Variants in HMGXB3 observed in about 807,000 individuals in gnomAD.
HMGXB3 encodes HMG-box containing 3.
In HMGXB3, 45 loss-of-function variants were observed where a neutral mutation model predicts 121.5. The observed-to-expected ratio is 0.37, with a 90% CI of 0.29 to 0.47. The LOEUF is 0.47. Among genes scored for constraint, HMGXB3 ranks in the 20% least tolerant of loss-of-function variants. The pLI is 0.99. For missense variants in HMGXB3, 1,376 were observed against 1,602.2 expected, an observed-to-expected ratio of 0.86 and a Z score of 2.41; for synonymous variants, 590 against 624.1, an observed-to-expected ratio of 0.95 and a Z score of 0.81.
In HMGXB3 at chr5:150,045,595, G is replaced by T. The variant is rs1455646617; in HGVS notation, c.2860G>T (p.Val954Phe). Residue 954 changes from valine (V) to phenylalanine (F), a missense_variant, in exon 16 of 20, where the codon GTT becomes TTT. Physicochemically the swap from Val to Phe is conservative, Grantham distance 50. Coordinates refer to ENST00000502717, the MANE Select transcript of HMGXB3 (RefSeq NM_014983.3). ...CCCTATCACCAAATTTGATGCGTCT[G>T]TTATTGCCCCCTTCTTCCCACCACT... ...SIPITKFDASVIAPFFPPLMR... is the reference protein window; with the variant it reads ...SIPITKFDASFIAPFFPPLMR... 6.4e-7 allele frequency: 1 copy of T among 1,551,842 alleles called. No individual in the cohort carries two copies. Among genetic ancestry groups the T allele is most frequent in the African/African-American group, 1.4e-5 (1 of 73,050 alleles).
chr5:150,003,865 G>A (rs1474877397), intron 1 of HMGXB3, among the ~76,000 whole-genome samples: 1 of 152,088 alleles, frequency 6.6e-6, no homozygotes, highest in Non-Finnish European at 1.5e-5. Flanking sequence ...TGAGGTGGAA[G>A]GATTGCTGAG....
chr5:150,046,360 T>C (rs1210159708), intron 16 of HMGXB3, among the ~76,000 whole-genome samples: 2 of 152,242 alleles, frequency 1.3e-5, no homozygotes, highest in African/African-American at 4.8e-5. Flanking sequence ...TATTCGTACA[T>C]ATGCAAGTGT....
At chr5:150,025,670 C>T (rs1756211777) in intron 7 of HMGXB3, among the ~76,000 whole-genome samples, 1 of 152,090 alleles carries the variant, frequency 6.6e-6, no homozygotes, top group Non-Finnish European at 1.5e-5. Context: ...CAGGCTCAAT[C>T]GATCTTCCCA....
chr5:150,004,772 A>G, intron 1 of HMGXB3, 79 bp from the exon 2 acceptor site: 2 of 943,252 alleles, frequency 2.1e-6, no homozygotes, highest in South Asian at 1.7e-5. Flanking sequence ...GGCAGAGGTA[A>G]GGGGTTATTT....
At chr5:150,031,723 G>C (rs1756384973) in intron 10 of HMGXB3, among the ~76,000 whole-genome samples, 1 of 152,106 alleles carries the variant, frequency 6.6e-6, no homozygotes, top group Admixed American at 6.5e-5. Flanking sequence ...GTTCAGAAAG[G>C]GTCATTCATT....
chr5:150,035,544 T>C (rs150914133), intron 11 of HMGXB3, among the ~76,000 whole-genome samples: 1 of 152,294 alleles, frequency 6.6e-6, no homozygotes, highest in East Asian at 1.9e-4. Context: ...AATATGTCCA[T>C]CACATATGAA....
At position 150,024,584 on chromosome 5, in the gene HMGXB3, GGAC is replaced by G; in HGVS notation, c.1365_1367del (p.Thr457del). ...GGTGTGCAGCCTGAGGTCACTCTGG[GGAC>G]AACTGACAATGACAGTCCTGGAGCA... is the stretch of plus-strand genomic sequence containing the variant. On this transcript the variant is annotated inframe_deletion, in exon 7 of 20. Transcript: ENST00000502717. 1 of 1,551,694 alleles carries G rather than the reference GGAC, an allele frequency of 6.4e-7. No individual in the cohort carries two copies. The highest frequency in any genetic ancestry group is 8.7e-7 in the Non-Finnish European group (1 of 1,146,978).
At chr5:150,041,706 C>G (rs992300644) in intron 14 of HMGXB3, 79 bp from the exon 15 acceptor site, 2 of 1,039,274 alleles carry the variant, frequency 1.9e-6, no homozygotes, top group Non-Finnish European at 2.9e-6. Flanking sequence ...AATTGCTCTA[C>G]TTACTACCCA....
At position 150,004,891 on chromosome 5, in the gene HMGXB3, G is replaced by A; in HGVS notation, c.39G>A (p.Val13=). The change falls in exon 2 of 20, where the codon GTG becomes GTA. Residue 13 remains valine (V), a synonymous_variant. Transcript: ENST00000502717. ...ASYDGTEVTV[V]MEEIEEAYCY... Reference sequence around the variant, plus strand: ...ATGATGGTACTGAGGTAACTGTCGTGATGGAGGAAATTGAGGAAGCCTATT... The same window carrying A: ...ATGATGGTACTGAGGTAACTGTCGTAATGGAGGAAATTGAGGAAGCCTATT... 6.4e-7 allele frequency: 1 copy of A among 1,551,726 alleles called. No individual in the cohort carries two copies. Among genetic ancestry groups the A allele is most frequent in the South Asian group, 1.2e-5 (1 of 84,058 alleles).
chr5:150,014,363 T>G (rs1245196272), intron 5 of HMGXB3, among the ~76,000 whole-genome samples: 1 of 152,252 alleles, frequency 6.6e-6, no homozygotes, highest in Non-Finnish European at 1.5e-5. Flanking sequence ...GTGAGGTTTA[T>G]AAACAGAGAA....
In HMGXB3 at chr5:150,044,587, T is replaced by C. The variant is rs1471423898; in HGVS notation, c.2731-879T>C. ...CCCACAGGATTTCTGACTCAGGAGA[T>C]CTGGAGTGGGGCCAGGAATTTGCAT... On this transcript the variant is annotated intron_variant, in intron 15 of 19. Transcript: ENST00000502717. Among the ~76,000 whole-genome samples the C allele has an allele frequency of 2.6e-5, 4 of 152,220 alleles. No homozygotes were observed. The East Asian group carries it at 7.7e-4, about 29-fold the overall frequency.
chr5:150,049,607 T>C (rs1271880505), intron 18 of HMGXB3, among the ~76,000 whole-genome samples: 4 of 152,182 alleles, frequency 2.6e-5, no homozygotes, highest in Non-Finnish European at 5.9e-5. Context: ...ATTGTGTTCA[T>C]GCGACAGGGG....
intron 10 of HMGXB3, among the ~76,000 whole-genome samples, chr5:150,031,861 C>T (rs1012333249): frequency 9.9e-5 from 15 of 152,204 alleles, no homozygotes; most frequent in African/African-American, 2.6e-4. Context: ...GAGAATGTGT[C>T]TCTTATCCTG....
chr5:150,036,227 T>C (rs1430414430), intron 11 of HMGXB3, among the ~76,000 whole-genome samples: 1 of 152,204 alleles, frequency 6.6e-6, no homozygotes, highest in African/African-American at 2.4e-5. Context: ...CTGATACAGG[T>C]TGACTATCCT....
chr5:150,030,858 G>A lies in HMGXB3; in HGVS notation c.1833+19G>A. 1 of 1,529,488 alleles carries A rather than the reference G, an allele frequency of 6.5e-7. No homozygotes were observed. The highest frequency in any genetic ancestry group is 1.2e-5 in the South Asian group (1 of 83,594). 94.7% of individuals were successfully genotyped at this position (1,529,488 alleles called of 1,614,324 possible). On this transcript the variant is annotated intron_variant, in intron 10 of 19. Transcript: ENST00000502717. ...CACATTGGTAAGTATGCAGCTAGGTGGTGGTGGGTTGACATGGAGGTTGTT... is the reference window on the plus strand; with the variant it reads ...CACATTGGTAAGTATGCAGCTAGGTAGTGGTGGGTTGACATGGAGGTTGTT...
intron 16 of HMGXB3, 183 bp from the exon 17 acceptor site, chr5:150,047,441 C>A: frequency 1.6e-6 from 1 of 630,562 alleles, no homozygotes; most frequent in Non-Finnish European, 2.7e-6. Flanking sequence ...GGGCAGAAAG[C>A]CAGTTGTAAT....
chr5:150,026,300 G>A (rs1443810822), intron 7 of HMGXB3, among the ~76,000 whole-genome samples: 1 of 152,152 alleles, frequency 6.6e-6, no homozygotes, highest in Admixed American at 6.5e-5. Flanking sequence ...CTCAACATTG[G>A]TGCTGCAAAG....
In HMGXB3 at chr5:150,050,417, G is replaced by A; in HGVS notation, c.3367G>A (p.Gly1123Arg). Residue 1123 changes from glycine (G) to arginine (R), a missense_variant, in exon 19 of 20, where the codon GGG becomes AGG. Gly to Arg is a moderately radical substitution (Grantham distance 125). This residue lies in a region of HMGXB3 where 260 missense variants were observed against 233.2 expected (regional missense o/e 1.11). Coordinates refer to ENST00000502717, the MANE Select transcript of HMGXB3 (RefSeq NM_014983.3). The part of the protein sequence containing the change: ...CYPELTNQMW[G>R]RNQGCFSSPT... ...CCCAGAGCTGACTAACCAGATGTGGGGGAGGAACCAGGGCTGTTTCTCTAG... is the reference window on the plus strand; with the variant it reads ...CCCAGAGCTGACTAACCAGATGTGGAGGAGGAACCAGGGCTGTTTCTCTAG... The A allele has an allele frequency of 1.3e-6, 2 of 1,551,718 alleles. No individual in the cohort carries two copies. Among genetic ancestry groups the A allele is most frequent in the Non-Finnish European group, 1.7e-6 (2 of 1,146,978 alleles).
Position 150,030,814 on chromosome 5 carries a change from A to G in HMGXB3, c.1808A>G (p.Tyr603Cys), listed in dbSNP as rs1457956734. ...VEVKPDMFPPYKYSCTVTLDL... is the reference protein window; with the variant it reads ...VEVKPDMFPPCKYSCTVTLDL... ...GTCAAGCCCGATATGTTTCCTCCAT[A>G]TAAGTACAGCTGCACTGTCACATTG... Residue 603 changes from tyrosine (Y) to cysteine (C), a missense_variant, in exon 10 of 20, where the codon TAT (tyrosine) becomes TGT (cysteine). Coordinates refer to ENST00000502717, the MANE Select transcript of HMGXB3 (RefSeq NM_014983.3). The G allele has an allele frequency of 5.8e-6, 9 of 1,551,896 alleles. No homozygotes were observed. Among genetic ancestry groups the G allele is most frequent in the African/African-American group, 5.5e-5 (4 of 73,040 alleles).
Sources: allele counts gnomAD v4.1 joint callset (sites outside exome capture counted in the v4.1 genomes callset), GRCh38; gene constraint gnomAD v4.1.1; regional missense constraint gnomAD v4.1.1; transcripts MANE v1.5; gene names NCBI Gene and HGNC (gene_info 2026-07-23, HGNC 2026-07-21).